The following SNCAIP variants were observed in gnomAD, a reference collection of about 807,000 sequenced individuals.
SNCAIP encodes synphilin-1.
A neutral mutation model predicts 86.7 loss-of-function variants in SNCAIP; 43 were observed. That is an observed-to-expected ratio of 0.50 (90% CI 0.39 to 0.64). The LOEUF is 0.64. Among genes scored for constraint, SNCAIP ranks in the 30% least tolerant of loss-of-function variants. The pLI is 0.00. For missense variants in SNCAIP, 981 were observed against 1,103.1 expected (o/e 0.89, Z 1.57); for synonymous variants, 417 against 427.2 (o/e 0.98, Z 0.29).
rs1407473636 is a variant in SNCAIP at position 122,382,939 on chromosome 5, C to T, written c.-46-8150C>T. Among the ~76,000 whole-genome samples, 4 of 152,220 alleles carry T rather than the reference C, an allele frequency of 2.6e-5. No individual in the cohort carries two copies. The East Asian group carries it at 7.8e-4, about 30-fold the overall frequency. ...TGCGTGCTGGGAGAACCACTGCTCT[C>T]TTCAAAGCTGTCAGACAGGGACATT... On this transcript the variant is annotated intron_variant, in intron 1 of 10. Transcript: ENST00000261368.
chr5:122,353,585 G>T (rs377385292), intron 1 of SNCAIP, among the ~76,000 whole-genome samples: 4 of 152,142 alleles, frequency 2.6e-5, no homozygotes, highest in Admixed American at 1.3e-4. Context: ...TGAATCATGG[G>T]GGCGGGTCTT....
intron 1 of SNCAIP, among the ~76,000 whole-genome samples, chr5:122,363,146 G>A (rs770532476): frequency 5.9e-5 from 9 of 151,820 alleles, no homozygotes; most frequent in South Asian, 2.1e-4. Context: ...ACAGGCATGC[G>A]CCACCATGCC....
chr5:122,461,540 G>C (rs1441400952), intron 10 of SNCAIP, among the ~76,000 whole-genome samples: 1 of 151,580 alleles, frequency 6.6e-6, no homozygotes, highest in East Asian at 1.9e-4. Flanking sequence ...ACTTTTTCTA[G>C]TTTGAATCTC....
chr5:122,377,544 A>T (rs936606650), intron 1 of SNCAIP, among the ~76,000 whole-genome samples: 11 of 113,702 alleles, frequency 9.7e-5, no homozygotes, highest in South Asian at 7.3e-4. Context: ...GAGATCAGAT[A>T]TTTTTTTTAT....
chr5:122,363,569 C>T (rs567919322), intron 1 of SNCAIP, among the ~76,000 whole-genome samples: 1 of 151,914 alleles, frequency 6.6e-6, no homozygotes, highest in Non-Finnish European at 1.5e-5. Flanking sequence ...CAGATGTAAA[C>T]ACAAGTGTGT....
intron 5 of SNCAIP, among the ~76,000 whole-genome samples, chr5:122,427,590 T>C (rs1010845440): frequency 6.6e-6 from 1 of 152,182 alleles, no homozygotes; most frequent in Admixed American, 6.5e-5. Flanking sequence ...ATATTTTGTC[T>C]CAGTCCATTC....
chr5:122,399,533 T>C (rs1024266414), intron 2 of SNCAIP, among the ~76,000 whole-genome samples: 2 of 152,316 alleles, frequency 1.3e-5, no homozygotes, highest in South Asian at 4.1e-4. Flanking sequence ...TATGGGTTTT[T>C]CTAAGATTAG....
At chr5:122,395,206 G>A (rs529540321) in intron 2 of SNCAIP, among the ~76,000 whole-genome samples, 273 of 152,174 alleles carry the variant, frequency 1.8e-3, no homozygotes, top group African/African-American at 6.0e-3. Flanking sequence ...ATTCCCATCC[G>A]TTAAATGGTA....
chr5:122,358,199 G>GTA lies in SNCAIP; in HGVS notation c.-46-32889_-46-32888insAT, dbSNP rs1187840527. Among the ~76,000 whole-genome samples the GTA allele has an allele frequency of 5.1e-3, 528 of 102,764 alleles. 2 individuals are homozygous for GTA. Among genetic ancestry groups the GTA allele is most frequent in the African/African-American group, 0.015 (368 of 23,766 alleles). 67.4% of individuals were successfully genotyped at this position (102,764 alleles called of 152,430 possible). A position where few individuals can be genotyped will look rare whatever the true frequency, so the allele number is the denominator to read the frequency against. ...TGTGTGTGTGTGTGTGTGTGTGTGTGTGTGTATATATATATATATAAAATA... is the reference window on the plus strand; with the variant it reads ...TGTGTGTGTGTGTGTGTGTGTGTGTGTATGTGTATATATATATATATAAAATA... On this transcript the variant is annotated intron_variant, in intron 1 of 10. Transcript: ENST00000261368.
chr5:122,369,417 G>GATTGC (rs1763839720), intron 1 of SNCAIP, among the ~76,000 whole-genome samples: 1 of 152,186 alleles, frequency 6.6e-6, no homozygotes, highest in Admixed American at 6.5e-5. Flanking sequence ...AGGAAACCTA[G>GATTGC]ATTGCCTCAG....
chr5:122,365,632 T>C lies in SNCAIP; in HGVS notation c.-46-25457T>C, dbSNP rs535299358. 2.8e-4 allele frequency among the ~76,000 whole-genome samples: 42 copies of C among 152,306 alleles called. No homozygotes were observed. In the East Asian group the frequency reaches 3.5e-3, roughly 13 times the overall value. On this transcript the variant is annotated intron_variant, in intron 1 of 10. Transcript: ENST00000261368. ...AGGCGGAGATTGCAGTGAGCCAAGATTGCGCCACTGCACTCTAGTCTGGGC... is the reference window on the plus strand; with the variant it reads ...AGGCGGAGATTGCAGTGAGCCAAGACTGCGCCACTGCACTCTAGTCTGGGC...
At chr5:122,355,205 A>G (rs535851043) in intron 1 of SNCAIP, among the ~76,000 whole-genome samples, 1 of 152,310 alleles carries the variant, frequency 6.6e-6, no homozygotes, top group East Asian at 1.9e-4. Flanking sequence ...GTATAAAACA[A>G]TGTTTCAGAG....
intron 1 of SNCAIP, among the ~76,000 whole-genome samples, chr5:122,322,245 A>T (rs935289646): frequency 3.9e-5 from 6 of 152,210 alleles, no homozygotes; most frequent in Non-Finnish European, 8.8e-5. Flanking sequence ...AGTGCTTCTA[A>T]CCAACTAATG....
chr5:122,324,525 T>A (rs977123528), intron 1 of SNCAIP, among the ~76,000 whole-genome samples: 1 of 152,246 alleles, frequency 6.6e-6, no homozygotes, highest in African/African-American at 2.4e-5. Flanking sequence ...GTGGAATAAA[T>A]GAATCCTTCA....
intron 2 of SNCAIP, among the ~76,000 whole-genome samples, chr5:122,393,544 ACCTGCCCCACC>A (rs1769894866): frequency 1.3e-5 from 2 of 152,234 alleles, no homozygotes; most frequent in Admixed American, 1.3e-4. Context: ...GGGCAATTTT[ACCTGCCCCACC>A]CCTACCCCAG....
At chr5:122,432,752 G>A (rs1778657160) in intron 6 of SNCAIP, among the ~76,000 whole-genome samples, 1 of 151,748 alleles carries the variant, frequency 6.6e-6, no homozygotes, top group Non-Finnish European at 1.5e-5. Context: ...ACAATCCAGT[G>A]TTTGCAGTTA....
intron 1 of SNCAIP, among the ~76,000 whole-genome samples, chr5:122,358,361 C>T (rs1761543138): frequency 1.9e-5 from 2 of 105,878 alleles, no homozygotes; most frequent in Admixed American, 1.3e-4. Flanking sequence ...CCCCCTCCCC[C>T]CACCCCACAA....
At chr5:122,407,384 C>G (rs576384997) in intron 3 of SNCAIP, among the ~76,000 whole-genome samples, 102 of 152,270 alleles carry the variant, frequency 6.7e-4, no homozygotes, top group Non-Finnish European at 1.0e-3. Context: ...GCATGGTGAT[C>G]AGAATGAGGA....
chr5:122,455,457 A>C (rs952551951), intron 10 of SNCAIP, among the ~76,000 whole-genome samples: 7 of 152,190 alleles, frequency 4.6e-5, no homozygotes, highest in Admixed American at 4.6e-4. Flanking sequence ...CTTGGCCCCA[A>C]AATTTGCTTG....
Sources: allele counts gnomAD v4.1 joint callset (sites outside exome capture counted in the v4.1 genomes callset), GRCh38; gene constraint gnomAD v4.1.1; transcripts MANE v1.5; gene names NCBI Gene and HGNC (gene_info 2026-07-23, HGNC 2026-07-21).